Variants in GSE1 observed in about 807,000 individuals in gnomAD.
The protein encoded by GSE1 is genetic suppressor element 1.
Under a neutral mutation model 112.6 loss-of-function variants are expected in GSE1, and 32 were observed. The ratio of observed to expected loss-of-function variants is 0.28; its 90% confidence interval spans 0.21 to 0.38. GSE1 has a LOEUF of 0.38. GSE1 is among the 10% of genes least tolerant of loss of function. GSE1 has a pLI of 1.00. For synonymous variants in GSE1, 1,115 were observed against 735.6 expected, an observed-to-expected ratio of 1.52 and a Z score of -8.35; for missense variants, 2,348 against 1,699.2, an observed-to-expected ratio of 1.38 and a Z score of -6.71.
chr16:85,376,438 C>A (rs573762160), intron 2 of GSE1, among the ~76,000 whole-genome samples: 1 of 152,174 alleles, frequency 6.6e-6, no homozygotes, highest in Non-Finnish European at 1.5e-5. Context: ...GGTGGCTGCG[C>A]GGGCTGGTCT....
intron 1 of GSE1, among the ~76,000 whole-genome samples, chr16:85,224,741 G>A (rs535158932): frequency 6.6e-6 from 1 of 152,188 alleles, no homozygotes; most frequent in East Asian, 1.9e-4. Context: ...TGTAATCCCA[G>A]CACTTTGGGA....
intron 2 of GSE1, among the ~76,000 whole-genome samples, chr16:85,478,861 TTC>T (rs1456440065): frequency 2.4e-4 from 7 of 29,530 alleles, no homozygotes; most frequent in Admixed American, 2.3e-3. Context: ...CTTTCTTTCT[TTC>T]TTTCTTTCTT....
chr16:85,663,716 A>C, intron 11 of GSE1, 102 bp downstream of exon 11: 1 of 1,207,642 alleles, frequency 8.3e-7, no homozygotes, highest in Non-Finnish European at 1.2e-6. Context: ...ATCTGCGATC[A>C]CTGAGCCTGA....
rs561696748 is a variant in GSE1, at chr16:85,523,864, G to T, written c.2465-110050G>T. On this transcript the variant is annotated intron_variant, in intron 2 of 2. Transcript: ENST00000637419. ...CCACGGGGCTCTTGCCTGGAGGGCA[G>T]TGCTGCGGGAGGCGGGGTCAACAGG... 2.8e-3 allele frequency among the ~76,000 whole-genome samples: 424 copies of T among 152,388 alleles called. 3 individuals are homozygous for T. The highest frequency in any genetic ancestry group is 9.0e-3 in the African/African-American group (374 of 41,596).
At chr16:85,250,138 T>C (rs760149494) in intron 1 of GSE1, among the ~76,000 whole-genome samples, 26 of 152,214 alleles carry the variant, frequency 1.7e-4, no homozygotes, top group Non-Finnish European at 3.4e-4. Flanking sequence ...TCCACCAACT[T>C]GAGGCCAGGC....
At chr16:85,659,940 A>G (rs2052294956) in intron 8 of GSE1, among the ~76,000 whole-genome samples, 1 of 152,240 alleles carries the variant, frequency 6.6e-6, no homozygotes. Context: ...ACTGGGGGGC[A>G]GTCTCGGCAC....
At chr16:85,380,212 T>A (rs549029386) in intron 2 of GSE1, among the ~76,000 whole-genome samples, 1 of 152,284 alleles carries the variant, frequency 6.6e-6, no homozygotes, top group African/African-American at 2.4e-5. Context: ...TTAGGGCATG[T>A]GGCTGAGGCA....
At chr16:85,352,719 G>T (rs2306635) in intron 1 of GSE1, among the ~76,000 whole-genome samples, 53,250 of 152,108 alleles carry the variant, frequency 0.35, 10,446 homozygotes, top group African/African-American at 0.53. Flanking sequence ...GTGCTGAGCA[G>T]GAGATAATCC....
chr16:85,243,829 T>TA (rs1284553316), intron 1 of GSE1, among the ~76,000 whole-genome samples: 3 of 152,130 alleles, frequency 2.0e-5, no homozygotes, highest in African/African-American at 7.2e-5. Context: ...GTTTGGCTTT[T>TA]AAAAAATCAT....
intron 2 of GSE1, among the ~76,000 whole-genome samples, chr16:85,499,870 A>C: frequency 6.6e-6 from 1 of 152,198 alleles, no homozygotes; most frequent in Non-Finnish European, 1.5e-5. Context: ...CCCAAGCATC[A>C]CGTACATGGG....
intron 2 of GSE1, among the ~76,000 whole-genome samples, chr16:85,495,182 T>C (rs2051130894): frequency 6.6e-6 from 1 of 152,174 alleles, no homozygotes; most frequent in African/African-American, 2.4e-5. Flanking sequence ...GCTGGGCCTG[T>C]TCCCCGAAAG....
At chr16:85,378,811 A>AC (rs751619725) in intron 2 of GSE1, among the ~76,000 whole-genome samples, 20 of 151,746 alleles carry the variant, frequency 1.3e-4, no homozygotes, top group Non-Finnish European at 2.5e-4. Flanking sequence ...CCTTGTGGCT[A>AC]CCCCCGTGCT....
chr16:85,227,240 G>A (rs933541433), intron 1 of GSE1, among the ~76,000 whole-genome samples: 1 of 152,174 alleles, frequency 6.6e-6, no homozygotes, highest in African/African-American at 2.4e-5. Flanking sequence ...GCTCCAGTCT[G>A]GTTGGGAAGG....
At chr16:85,647,162 G>T (rs1040765444) in intron 2 of GSE1, among the ~76,000 whole-genome samples, 5 of 152,322 alleles carry the variant, frequency 3.3e-5, no homozygotes, top group Admixed American at 2.6e-4. Context: ...AGATGGGCCG[G>T]GGCGGCCCTG....
In GSE1 at chr16:85,668,310, T is replaced by G; in HGVS notation, c.3301T>G (p.Ser1101Ala). Residue 1101 changes from serine to alanine, a missense_variant, in exon 14 of 16, where the codon TCG (serine) becomes GCG (alanine). Coordinates refer to ENST00000253458, the MANE Select transcript of GSE1 (RefSeq NM_014615.5). The stretch of plus-strand genomic sequence containing the variant: ...CCCAACCCAGGAGTTGGACCGGGAC[T>G]CGGAGGAGGAGGAAGAGGAGGATGA... ...GPPTQELDRD[S>A]EEEEEEDDED... 6.2e-7 allele frequency: 1 copy of G among 1,612,868 alleles called. No homozygotes were observed. The highest frequency in any genetic ancestry group is 8.5e-7 in the Non-Finnish European group (1 of 1,179,164).
intron 2 of GSE1, among the ~76,000 whole-genome samples, chr16:85,638,152 C>T (rs924744961): frequency 6.6e-6 from 1 of 152,246 alleles, no homozygotes; most frequent in African/African-American, 2.4e-5. Flanking sequence ...CGCCATCTGA[C>T]TGCGATTGCC....
chr16:85,617,444 G>A (rs954717400), intron 1 of GSE1, among the ~76,000 whole-genome samples: 6 of 152,202 alleles, frequency 3.9e-5, no homozygotes, highest in African/African-American at 1.4e-4. Flanking sequence ...GGCAGGTGGA[G>A]GAAGTGGGGA....
intron 1 of GSE1, among the ~76,000 whole-genome samples, chr16:85,230,998 T>C (rs979874574): frequency 2.7e-5 from 4 of 150,366 alleles, no homozygotes; most frequent in African/African-American, 9.8e-5. Context: ...GAAGGACAGA[T>C]GGATGGATGG....
intron 2 of GSE1, among the ~76,000 whole-genome samples, chr16:85,442,152 G>A (rs2049390607): frequency 6.6e-6 from 1 of 152,204 alleles, no homozygotes; most frequent in Admixed American, 6.5e-5. Flanking sequence ...CCAGAACTTA[G>A]TCCTGCCGTC....
Sources: gnomAD v4.1 joint callset for allele counts (sites outside exome capture counted in the v4.1 genomes callset) on GRCh38, gnomAD v4.1.1 for gene constraint, MANE v1.5 for transcripts, NCBI Gene and HGNC (gene_info 2026-07-23, HGNC 2026-07-21) for gene names.